The following RASAL1 variants were observed in gnomAD, a reference collection of about 807,000 sequenced individuals.
RASAL1 encodes rasGAP-activating-like protein 1.
RASAL1 carries 72 observed loss-of-function variants against 96.6 expected under a neutral mutation model. That is an observed-to-expected ratio of 0.75 (90% CI 0.62 to 0.91). The LOEUF (loss-of-function observed/expected upper bound fraction) is 0.91, where lower values mean the gene tolerates loss of function less well. RASAL1 is among the 40% of genes least tolerant of loss of function. RASAL1 has a pLI of 0.00. For synonymous variants in RASAL1, 405 were observed against 430.4 expected (o/e 0.94, Z 0.73); for missense variants, 1,016 against 1,072.5 (o/e 0.95, Z 0.74).
rs1245052830 is a variant in RASAL1 at position 113,099,447 on chromosome 12, C to T, written c.*482G>A. On this transcript the variant is annotated 3_prime_UTR_variant, in exon 21 of 21. Coordinates refer to ENST00000548055, the MANE Select transcript of RASAL1 (RefSeq NM_001301202.2). ...ATTCTGGAAGCTTGTGGTTGGAGTCCTAGGCCAAGGGCAGGGTACAGAAGA... is the reference window on the plus strand; with the variant it reads ...ATTCTGGAAGCTTGTGGTTGGAGTCTTAGGCCAAGGGCAGGGTACAGAAGA... The T allele has an allele frequency of 2.6e-5, 4 of 152,408 alleles. No homozygotes were observed. The highest frequency in any genetic ancestry group is 9.6e-5 in the African/African-American group (4 of 41,454). 9.4% of individuals were successfully genotyped at this position (152,408 alleles called of 1,614,324 possible).
intron 13 of RASAL1, 150 bp downstream of exon 13, chr12:113,111,936 C>T (rs1019313782): frequency 1.4e-5 from 9 of 661,734 alleles, no homozygotes; most frequent in Non-Finnish European, 1.9e-5. Context: ...GGACCCGGAC[C>T]CTGCCAGGAA....
chr12:113,117,206 C>T, intron 7 of RASAL1, 45 bp from the exon 8 acceptor site: 1 of 1,425,418 alleles, frequency 7.0e-7, no homozygotes, highest in South Asian at 1.3e-5. Flanking sequence ...CCTGGCCTGC[C>T]CTGCCCTGCC....
rs760672646 is a variant in RASAL1, at chr12:113,128,141, C to A, written c.160G>T (p.Gly54Trp). 2 of 1,613,890 alleles carry A rather than the reference C, an allele frequency of 1.2e-6. No homozygotes were observed. The highest frequency in any genetic ancestry group is 1.1e-5 in the South Asian group (1 of 91,068). ...TVWRSLGPFW[G>W]EEYTVHLPLD... ...GGCAGGTGCACCGTGTACTCCTCCC[C>A]CCAGAAGGGGCCCAGGCTCCTCCAG... is the stretch of plus-strand genomic sequence containing the variant. The change falls in exon 3 of 21, where the codon GGG (glycine) becomes TGG (tryptophan). Residue 54 changes from glycine to tryptophan, a missense_variant. By Grantham distance (184) the Gly-to-Trp change is radical. Coordinates refer to ENST00000548055, the MANE Select transcript of RASAL1 (RefSeq NM_001301202.2).
Position 113,135,388 on chromosome 12 carries a change from G to C in RASAL1, c.65+10C>G, listed in dbSNP as rs371581968. 3 of 1,606,324 alleles carry C rather than the reference G, an allele frequency of 1.9e-6. No individual in the cohort carries two copies. The African/African-American group carries it at 4.0e-5, about 22-fold the overall frequency. On this transcript the variant is annotated intron_variant, in intron 1 of 20. Coordinates refer to ENST00000548055, the MANE Select transcript of RASAL1 (RefSeq NM_001301202.2). The surrounding 1 kb of genome is among the most constrained non-coding windows in gnomAD (Gnocchi z 5.7). ...CGCCCCTCACCCAGAAGCGCCCGAG[G>C]AGTACTCACACGTCCTTGGCAGGCA... is the stretch of plus-strand genomic sequence containing the variant.
chr12:113,119,530 C>T (rs1283464044), intron 5 of RASAL1, 87 bp from the exon 6 acceptor site: 10 of 1,294,018 alleles, frequency 7.7e-6, no homozygotes, highest in African/African-American at 1.5e-5. Context: ...ATTCCAATGT[C>T]GCTGGTTTCC....
intron 12 of RASAL1, 34 bp downstream of exon 12, chr12:113,114,766 C>A (rs199562986): frequency 6.3e-7 from 1 of 1,575,994 alleles, no homozygotes; most frequent in East Asian, 2.2e-5. Flanking sequence ...CAAAGGGGCC[C>A]GTCGGAAGGT....
At chr12:113,133,750 TG>T (rs1390579963) in intron 1 of RASAL1, among the ~76,000 whole-genome samples, 1 of 152,036 alleles carries the variant, frequency 6.6e-6, no homozygotes, top group Non-Finnish European at 1.5e-5. Context: ...TGAGGCAGGG[TG>T]GCCAGAACCC....
chr12:113,106,075 G>A (rs184373416), intron 15 of RASAL1, among the ~76,000 whole-genome samples, 189 bp from the exon 16 acceptor site: 22 of 152,292 alleles, frequency 1.4e-4, no homozygotes, highest in African/African-American at 4.8e-4. Flanking sequence ...AGGCTGGGAG[G>A]AGGGGGAGGG....
At chr12:113,112,886 A>C (rs1230510102) in intron 12 of RASAL1, among the ~76,000 whole-genome samples, 2 of 152,138 alleles carry the variant, frequency 1.3e-5, no homozygotes, top group African/African-American at 2.4e-5. Flanking sequence ...TGGGAAGTGG[A>C]GGTTGCAGTG....
chr12:113,135,603 G>C lies in RASAL1; in HGVS notation c.-141C>G. ...CGCCTGTCCGAGACCCGGGTAGCTG[G>C]ATGGGAGATTTCCGAAAGAGGAGAA... On this transcript the variant is annotated 5_prime_UTR_variant, in exon 1 of 21. The change creates a new upstream start codon in the 5' untranslated region. Coordinates refer to ENST00000548055, the MANE Select transcript of RASAL1 (RefSeq NM_001301202.2). The surrounding 1 kb of genome is among the most constrained non-coding windows in gnomAD (Gnocchi z 5.7). 1.4e-6 allele frequency: 1 copy of C among 696,556 alleles called. No individual in the cohort carries two copies. The highest frequency in any genetic ancestry group is 2.5e-6 in the Non-Finnish European group (1 of 404,686). 43.1% of individuals were successfully genotyped at this position (696,556 alleles called of 1,614,324 possible).
At chr12:113,127,753 C>A in intron 4 of RASAL1, 59 bp downstream of exon 4, 1 of 1,497,514 alleles carries the variant, frequency 6.7e-7, no homozygotes. Context: ...TGCTATGCCC[C>A]TGCAAATGCC....
At chr12:113,111,540 G>T (rs2136152319) in intron 13 of RASAL1, among the ~76,000 whole-genome samples, 1 of 152,208 alleles carries the variant, frequency 6.6e-6, no homozygotes, top group South Asian at 2.1e-4. Context: ...ACAAGATATG[G>T]ACCATGGTCA....
At chr12:113,118,759 C>T (rs909648870) in intron 7 of RASAL1, among the ~76,000 whole-genome samples, 4 of 152,166 alleles carry the variant, frequency 2.6e-5, no homozygotes, top group African/African-American at 7.2e-5. Context: ...TCAATGTCCC[C>T]ATCTGTAAAA....
In RASAL1 at chr12:113,124,154, G is replaced by T. The variant is rs562660085; in HGVS notation, c.299-2516C>A. ...AATCGCTTGAAACTGGAAGGCGGAG[G>T]TTGCAGTGATCTGAGATCATGCCAC... On this transcript the variant is annotated intron_variant, in intron 4 of 20. Coordinates refer to ENST00000548055, the MANE Select transcript of RASAL1 (RefSeq NM_001301202.2). 1.7e-4 allele frequency among the ~76,000 whole-genome samples: 26 copies of T among 149,906 alleles called. No homozygotes were observed. In the South Asian group the frequency reaches 5.5e-3, roughly 32 times the overall value.
Position 113,108,128 on chromosome 12 carries a change from T to C in RASAL1, c.1469A>G (p.His490Arg). ...TGAGCGGCTAGTCTGGGGGTCCGCG[T>C]GTTGGTCCCGAAGGTCAAACAGCTT... ...TPKLFDLRDQ[H>R]ADPQTSRSLL... Residue 490 changes from histidine (H) to arginine (R), a missense_variant, in exon 14 of 21, where the codon CAC becomes CGC. Physicochemically the swap from His to Arg is conservative, Grantham distance 29. Coordinates refer to ENST00000548055, the MANE Select transcript of RASAL1 (RefSeq NM_001301202.2). 6.2e-7 allele frequency: 1 copy of C among 1,613,818 alleles called. No individual in the cohort carries two copies. The highest frequency in any genetic ancestry group is 8.5e-7 in the Non-Finnish European group (1 of 1,179,904).
At chr12:113,105,531 C>T (rs1049246587) in intron 16 of RASAL1, among the ~76,000 whole-genome samples, 183 bp downstream of exon 16, 3 of 152,272 alleles carry the variant, frequency 2.0e-5, no homozygotes, top group Admixed American at 1.3e-4. Flanking sequence ...TGTCCATGTC[C>T]TGTGCCCACA....
At chr12:113,116,320 G>A (rs935482772) in intron 8 of RASAL1, among the ~76,000 whole-genome samples, 11 of 151,786 alleles carry the variant, frequency 7.2e-5, no homozygotes, top group Admixed American at 1.3e-4. Flanking sequence ...AGATTGTGCC[G>A]CTGCACTCCA....
intron 4 of RASAL1, among the ~76,000 whole-genome samples, chr12:113,124,926 C>A (rs1311283340): frequency 1.3e-5 from 2 of 152,076 alleles, no homozygotes; most frequent in Non-Finnish European, 1.5e-5. Context: ...TGTATCTAGG[C>A]AAATTCCAAA....
rs200091326 is a variant in RASAL1, at chr12:113,102,007, C to T, written c.2107G>A (p.Ala703Thr). 3.5e-4 allele frequency: 561 copies of T among 1,612,532 alleles called. 3 individuals carry two copies. The highest frequency in any genetic ancestry group is 5.0e-4 in the Middle Eastern group (3 of 6,032). Reference protein sequence around the residue: ...TCCLQAERSAAGCSRTHSAVT... With the variant: ...TCCLQAERSATGCSRTHSAVT... ...GCTGAGTGTGTACGGCTGCAGCCGG[C>T]GGCTGAGGGAACACAGCTTCATTCA... The change falls in exon 19 of 21, where the codon GCC becomes ACC. Residue 703 changes from alanine to threonine, a missense_variant and splice_region_variant. By Grantham distance (58) the Ala-to-Thr change is moderately conservative. Transcript: ENST00000548055.
Sources: gnomAD v4.1 joint callset for allele counts (sites outside exome capture counted in the v4.1 genomes callset) on GRCh38, gnomAD v4.1.1 for gene constraint, Gnocchi (gnomAD v3.1) non-coding constraint, MANE v1.5 for transcripts, NCBI Gene and HGNC (gene_info 2026-07-23, HGNC 2026-07-21) for gene names.